ZFHX3: variants seen among roughly 807,000 people sequenced by gnomAD.
ZFHX3 encodes zinc finger homeobox 3, also known as zinc finger homeobox protein 3.
ZFHX3 carries 42 observed loss-of-function variants against 279.1 expected under a neutral mutation model. That is an observed-to-expected ratio of 0.15 (90% CI 0.12 to 0.19). The LOEUF (loss-of-function observed/expected upper bound fraction) is 0.19. Ranked by LOEUF, ZFHX3 falls within the 10% of genes least tolerant of loss-of-function variation. ZFHX3 has a pLI of 1.00. For synonymous variants in ZFHX3, 2,293 were observed against 1,957.8 expected (o/e 1.17, Z -4.52); for missense variants, 4,981 against 4,754.0 (o/e 1.05, Z -1.40).
intron 5 of ZFHX3, among the ~76,000 whole-genome samples, chr16:73,208,408 G>A (rs1485047243): frequency 5.4e-5 from 8 of 147,886 alleles, no homozygotes; most frequent in South Asian, 2.2e-4. Context: ...ATATACCAAC[G>A]TCATAGGCAG....
At position 73,651,312 on chromosome 16, in the gene ZFHX3, G is replaced by A. The variant is rs1262794255; in HGVS notation, c.-1547+28868C>T. On this transcript the variant is annotated intron_variant, in intron 2 of 17. Transcript: ENST00000641206. ...GTAAGAAGGCCTAATCTATTTTATGGGAGTTCTAAAAAGAGGATAGAGAGA... is the reference window on the plus strand; with the variant it reads ...GTAAGAAGGCCTAATCTATTTTATGAGAGTTCTAAAAAGAGGATAGAGAGA... Among the ~76,000 whole-genome samples the A allele has an allele frequency of 2.6e-5, 4 of 151,658 alleles. No individual in the cohort carries two copies. In the East Asian group the frequency reaches 5.8e-4, roughly 22 times the overall value.
intron 2 of ZFHX3, among the ~76,000 whole-genome samples, chr16:73,589,640 G>C (rs2051970535): frequency 6.9e-6 from 1 of 144,484 alleles, no homozygotes; most frequent in Non-Finnish European, 1.5e-5. Context: ...TGAGGCAGGA[G>C]AATGGCATGA....
intron 5 of ZFHX3, among the ~76,000 whole-genome samples, chr16:73,183,499 C>G (rs946540216): frequency 3.9e-5 from 6 of 152,152 alleles, no homozygotes; most frequent in Non-Finnish European, 8.8e-5. Flanking sequence ...TGTGTTTTCC[C>G]CCTGAAGGGG....
intron 1 of ZFHX3, among the ~76,000 whole-genome samples, chr16:73,019,345 T>C (rs1964216181): frequency 9.4e-6 from 1 of 106,130 alleles, no homozygotes; most frequent in South Asian, 2.7e-4. Flanking sequence ...TGTCTGTGCG[T>C]GTGTGTGTGT....
At chr16:73,586,494 A>C (rs1323438561) in intron 2 of ZFHX3, among the ~76,000 whole-genome samples, 3 of 152,108 alleles carry the variant, frequency 2.0e-5, no homozygotes, top group Non-Finnish European at 4.4e-5. Flanking sequence ...GGAGGAAAAA[A>C]CAACCTACTA....
chr16:73,735,382 T>TAAAAAAAA (rs1310717929), intron 1 of ZFHX3, among the ~76,000 whole-genome samples: 1 of 102,272 alleles, frequency 9.8e-6, no homozygotes. Flanking sequence ...TGTGTGCTTC[T>TAAAAAAAA]AAAAAAAAAA....
chr16:73,598,262 C>A (rs897270946), intron 2 of ZFHX3, among the ~76,000 whole-genome samples: 1 of 152,090 alleles, frequency 6.6e-6, no homozygotes, highest in African/African-American at 2.4e-5. Context: ...CTGTTGTTTT[C>A]TCTCCATCAA....
chr16:72,788,408 C>CCTGCAGCTGTGCAGGGT lies in ZFHX3; in HGVS notation c.9851_9867dup (p.Ala3290ThrfsTer12), dbSNP rs768119519. On this transcript the variant is annotated frameshift_variant, in exon 10 of 10. Transcript: ENST00000268489. LOFTEE classifies it high-confidence loss of function. ...TCCGAAGTCAACGCGGCCTGCAGGG[C>CCTGCAGCTGTGCAGGGT]CTGCAGCTGTGCAGGGTCTACCGCA... 1.2e-6 allele frequency: 2 copies of CCTGCAGCTGTGCAGGGT among 1,614,082 alleles called. No homozygotes were observed. Among genetic ancestry groups the CCTGCAGCTGTGCAGGGT allele is most frequent in the Non-Finnish European group, 8.5e-7 (1 of 1,180,056 alleles).
At chr16:73,448,536 T>C (rs936724636) in intron 3 of ZFHX3, among the ~76,000 whole-genome samples, 32 of 151,960 alleles carry the variant, frequency 2.1e-4, no homozygotes, top group African/African-American at 5.8e-4. Context: ...AGAAAGTCTT[T>C]AGTGAACGAA....
chr16:73,670,389 C>G (rs566811885), intron 2 of ZFHX3, among the ~76,000 whole-genome samples: 4 of 152,296 alleles, frequency 2.6e-5, no homozygotes, highest in African/African-American at 9.6e-5. Context: ...AGGAGGGAAG[C>G]AGTTCCTAAC....
chr16:73,465,084 G>C (rs2018541400), intron 2 of ZFHX3, among the ~76,000 whole-genome samples: 1 of 152,172 alleles, frequency 6.6e-6, no homozygotes, highest in South Asian at 2.1e-4. Context: ...TTGCTCATCT[G>C]TGTCTCCTCA....
At chr16:73,183,037 T>C (rs1967832382) in intron 5 of ZFHX3, among the ~76,000 whole-genome samples, 1 of 152,106 alleles carries the variant, frequency 6.6e-6, no homozygotes, top group Non-Finnish European at 1.5e-5. Context: ...AAACCCCATC[T>C]CTACTAAAAA....
At chr16:73,084,330 GA>G (rs957492824) in intron 8 of ZFHX3, among the ~76,000 whole-genome samples, 1 of 152,034 alleles carries the variant, frequency 6.6e-6, no homozygotes, top group Admixed American at 6.6e-5. Flanking sequence ...ACCTATTTTA[GA>G]AAAACTTAGA....
chr16:73,413,268 A>C (rs1045450058), intron 3 of ZFHX3, among the ~76,000 whole-genome samples: 1 of 152,234 alleles, frequency 6.6e-6, no homozygotes, highest in Non-Finnish European at 1.5e-5. Flanking sequence ...CACAGAACAG[A>C]GCAAAGAACA....
chr16:73,384,106 C>G (rs746717409), intron 3 of ZFHX3, among the ~76,000 whole-genome samples: 1 of 152,242 alleles, frequency 6.6e-6, no homozygotes, highest in Non-Finnish European at 1.5e-5. Flanking sequence ...CATGTGAATT[C>G]AATTCCTGCC....
In ZFHX3 at chr16:72,798,129, C is replaced by A. The variant is rs770545151; in HGVS notation, c.4553G>T (p.Gly1518Val). 1.2e-6 allele frequency: 2 copies of A among 1,614,070 alleles called. No homozygotes were observed. The highest frequency in any genetic ancestry group is 2.2e-5 in the East Asian group (1 of 44,896). ...AGGCAGAGCTCTCTTTGGCTCTGAG[C>A]CCGAGTCTTCTTGTACTGACCCAGA... ...SDSGSVQEDS[G>V]SEPKRALPFR... Residue 1518 changes from glycine to valine, a missense_variant, in exon 9 of 10, where the codon GGC (glycine) becomes GTC (valine). Gly to Val is a moderately radical substitution (Grantham distance 109). Transcript: ENST00000268489.
At chr16:73,227,973 CTTTA>C (rs1004835053) in intron 5 of ZFHX3, among the ~76,000 whole-genome samples, 88 of 149,202 alleles carry the variant, frequency 5.9e-4, no homozygotes, top group Non-Finnish European at 6.5e-4. Flanking sequence ...ACACCTATAA[CTTTA>C]TTTAACCTTC....
chr16:73,160,007 C>T (rs767375580), intron 5 of ZFHX3, among the ~76,000 whole-genome samples: 4 of 152,156 alleles, frequency 2.6e-5, no homozygotes, highest in African/African-American at 9.7e-5. Context: ...AAGTGGTCCG[C>T]CTGTCTTGGC....
chr16:73,807,913 T>C (rs1184232245), intron 1 of ZFHX3, among the ~76,000 whole-genome samples: 2 of 152,122 alleles, frequency 1.3e-5, no homozygotes, highest in South Asian at 2.1e-4. Flanking sequence ...TGAATCTTCC[T>C]AGAAATCCTC....
Sources: allele counts gnomAD v4.1 joint callset (sites outside exome capture counted in the v4.1 genomes callset), GRCh38; gene constraint gnomAD v4.1.1; transcripts MANE v1.5; gene names NCBI Gene and HGNC (gene_info 2026-07-23, HGNC 2026-07-21).